The following ZBTB20 variants were observed in gnomAD, a reference collection of about 807,000 sequenced individuals.
The protein encoded by ZBTB20 is zinc finger and BTB domain-containing protein 20.
A neutral mutation model predicts 56.9 loss-of-function variants in ZBTB20; 9 were observed. The ratio of observed to expected loss-of-function variants is 0.16; its 90% CI spans 0.10 to 0.28. The LOEUF (loss-of-function observed/expected upper bound fraction) is 0.28, where lower values mean the gene tolerates loss of function less well. ZBTB20 is among the 10% of genes least tolerant of loss of function. ZBTB20 has a pLI of 1.00. For missense variants in ZBTB20, 655 were observed against 1,003.0 expected (o/e 0.65, Z 4.69); for synonymous variants, 417 against 420.7 (o/e 0.99, Z 0.11).
chr3:114,485,298 G>A (rs1387313690), intron 7 of ZBTB20, among the ~76,000 whole-genome samples: 2 of 152,326 alleles, frequency 1.3e-5, no homozygotes, highest in Non-Finnish European at 2.9e-5. Context: ...TGTCTAGAGT[G>A]CATGTTTTTT....
chr3:114,324,256 T>G lies in ZBTB20; in HGVS notation c.*14749A>C, dbSNP rs1210071897. 2.0e-5 allele frequency: 3 copies of G among 152,210 alleles called. No individual in the cohort carries two copies. The highest frequency in any genetic ancestry group is 4.4e-5 in the Non-Finnish European group (3 of 68,028). The allele number at this position is 152,210 out of a possible 1,614,324, so 9.4% of individuals were successfully genotyped here. On this transcript the variant is annotated 3_prime_UTR_variant, in exon 12 of 12. Coordinates refer to ENST00000675478, the MANE Select transcript of ZBTB20 (RefSeq NM_001348800.3). ...CAGTAGTGGTTTTTACTTAATAGTT[T>G]TCATCATGTCAGATGGCTCTAATGC...
chr3:115,026,987 T>C (rs1030780527), intron 2 of ZBTB20, among the ~76,000 whole-genome samples: 12 of 150,914 alleles, frequency 8.0e-5, no homozygotes, highest in African/African-American at 2.4e-4. Flanking sequence ...AAATTTTATA[T>C]AGCATTACCT....
In ZBTB20 at chr3:114,326,555, T is replaced by A. The variant is rs1409962958; in HGVS notation, c.*12450A>T. 2.6e-5 allele frequency: 4 copies of A among 152,172 alleles called. No individual in the cohort carries two copies. Among genetic ancestry groups the A allele is most frequent in the African/African-American group, 9.6e-5 (4 of 41,454 alleles). The allele number at this position is 152,172 out of a possible 1,614,324, so 9.4% of individuals were successfully genotyped here. ...AAAATAATACAGTAAGGGTGAGCAG[T>A]TATTTGACTGTCCATGGACAGTAAC... is the stretch of plus-strand genomic sequence containing the variant. On this transcript the variant is annotated 3_prime_UTR_variant, in exon 12 of 12. Transcript: ENST00000675478.
intron 6 of ZBTB20, among the ~76,000 whole-genome samples, chr3:114,562,951 TATA>T (rs1361824600): frequency 6.6e-6 from 1 of 152,056 alleles, no homozygotes; most frequent in African/African-American, 2.4e-5. Flanking sequence ...CTCAAACAAA[TATA>T]ATAATGATTA....
intron 3 of ZBTB20, among the ~76,000 whole-genome samples, chr3:114,902,328 C>A (rs1229864359): frequency 6.6e-6 from 1 of 152,198 alleles, no homozygotes. Context: ...CTACTGCCTG[C>A]ATGGTGCTGT....
chr3:114,712,363 A>T (rs966762596), intron 5 of ZBTB20, among the ~76,000 whole-genome samples: 3 of 152,112 alleles, frequency 2.0e-5, no homozygotes, highest in African/African-American at 7.2e-5. Context: ...TATAAAAAAG[A>T]GTTCAGGCCG....
chr3:115,031,600 T>G (rs2080682968), intron 2 of ZBTB20, among the ~76,000 whole-genome samples: 2 of 151,462 alleles, frequency 1.3e-5, no homozygotes, highest in South Asian at 4.1e-4. Flanking sequence ...CTCCTTCTTA[T>G]GTCTTTGTTT....
chr3:114,481,166 T>C (rs1343116931), intron 7 of ZBTB20, among the ~76,000 whole-genome samples: 1 of 152,048 alleles, frequency 6.6e-6, no homozygotes, highest in Non-Finnish European at 1.5e-5. Flanking sequence ...TTTTGTGGAT[T>C]GCACATTCTG....
rs1490407070 is a variant in ZBTB20, at chr3:114,898,107, T to A, written c.-417+2197A>T. 2.6e-5 allele frequency among the ~76,000 whole-genome samples: 4 copies of A among 152,276 alleles called. No homozygotes were observed. In the East Asian group the frequency reaches 5.8e-4, roughly 22 times the overall value. ...CTTAGAAAAATAATTACAGATTTTT[T>A]AATATTCTGATCTTAACTGACCCAA... On this transcript the variant is annotated intron_variant, in intron 4 of 11. Transcript: ENST00000675478.
intron 1 of ZBTB20, among the ~76,000 whole-genome samples, chr3:115,097,468 AT>A (rs2083424101): frequency 1.3e-5 from 2 of 151,990 alleles, no homozygotes; most frequent in Admixed American, 1.3e-4. Flanking sequence ...TTTAAAAAAA[AT>A]CTACTGTTTG....
intron 1 of ZBTB20, among the ~76,000 whole-genome samples, chr3:115,119,047 A>C (rs2084105674): frequency 6.6e-6 from 1 of 152,154 alleles, no homozygotes; most frequent in Non-Finnish European, 1.5e-5. Flanking sequence ...ATAATGTCTA[A>C]AATACTGGGT....
At chr3:115,013,048 T>C (rs2079789187) in intron 2 of ZBTB20, among the ~76,000 whole-genome samples, 1 of 151,776 alleles carries the variant, frequency 6.6e-6, no homozygotes, top group Non-Finnish European at 1.5e-5. Context: ...TGCCAAAATC[T>C]ATGGGATACA....
chr3:115,092,839 G>C (rs2083247693), intron 1 of ZBTB20, among the ~76,000 whole-genome samples: 2 of 152,122 alleles, frequency 1.3e-5, no homozygotes, highest in Non-Finnish European at 2.9e-5. Context: ...ATGATATGTA[G>C]TTAAGCTAAG....
chr3:114,331,715 G>C lies in ZBTB20; in HGVS notation c.*7290C>G, dbSNP rs1284670781. On this transcript the variant is annotated 3_prime_UTR_variant, in exon 12 of 12. Coordinates refer to ENST00000675478, the MANE Select transcript of ZBTB20 (RefSeq NM_001348800.3). ...ACTGATGGTTGGGCTCCTTCAGAAT[G>C]CCCTAAAGTCTCATCACAGATACTG... 6.6e-6 allele frequency: 1 copy of C among 152,210 alleles called. No homozygotes were observed. Among genetic ancestry groups the C allele is most frequent in the South Asian group, 2.1e-4 (1 of 4,832 alleles). 9.4% of individuals were successfully genotyped at this position (152,210 alleles called of 1,614,324 possible).
intron 6 of ZBTB20, among the ~76,000 whole-genome samples, chr3:114,595,326 A>G (rs1197251294): frequency 1.3e-5 from 2 of 152,254 alleles, no homozygotes; most frequent in Non-Finnish European, 2.9e-5. Context: ...AGGCAATAAC[A>G]TGTAAATTTC....
chr3:114,818,060 T>C lies in ZBTB20; in HGVS notation c.-416-16886A>G, dbSNP rs1432411721. On this transcript the variant is annotated intron_variant, in intron 4 of 11. Transcript: ENST00000675478. Reference sequence around the variant, plus strand: ...CCAATATCACATATCGTTTTTGTCATACTCTACAAGAAGTGGTCAGGTGTG... The same window carrying C: ...CCAATATCACATATCGTTTTTGTCACACTCTACAAGAAGTGGTCAGGTGTG... Among the ~76,000 whole-genome samples, 7 of 152,184 alleles carry C rather than the reference T, an allele frequency of 4.6e-5. No homozygotes were observed. In the East Asian group the frequency reaches 1.2e-3, roughly 25 times the overall value.
At chr3:114,928,162 T>A (rs2076224262) in intron 3 of ZBTB20, among the ~76,000 whole-genome samples, 1 of 152,236 alleles carries the variant, frequency 6.6e-6, no homozygotes, top group Non-Finnish European at 1.5e-5. Context: ...TCCCTTCGTT[T>A]CATGCAGTTT....
At chr3:114,628,316 C>T (rs1022512999) in intron 6 of ZBTB20, among the ~76,000 whole-genome samples, 1 of 151,980 alleles carries the variant, frequency 6.6e-6, no homozygotes, top group African/African-American at 2.4e-5. Flanking sequence ...AATTTGAAGG[C>T]GTTTAAGGAA....
At chr3:114,727,054 T>G (rs2108519734) in intron 5 of ZBTB20, among the ~76,000 whole-genome samples, 1 of 151,894 alleles carries the variant, frequency 6.6e-6, no homozygotes, top group Admixed American at 6.6e-5. Context: ...CCTATAAAAT[T>G]TCACCCTCCC....
Sources: gnomAD v4.1 joint callset for allele counts (sites outside exome capture counted in the v4.1 genomes callset) on GRCh38, gnomAD v4.1.1 for gene constraint, MANE v1.5 for transcripts, NCBI Gene and HGNC (gene_info 2026-07-23, HGNC 2026-07-21) for gene names.